MLF1: variants seen among roughly 807,000 people sequenced by gnomAD.
MLF1 encodes the protein myeloid leukemia factor 1.
A neutral mutation model predicts 38.3 loss-of-function variants in MLF1; 37 were observed. The ratio of observed to expected loss-of-function variants is 0.96; its 90% CI spans 0.74 to 1.27. The LOEUF is 1.27. Among genes scored for constraint, MLF1 ranks in the 50% most tolerant of loss-of-function variants. The pLI, the probability that MLF1 is intolerant of heterozygous loss-of-function variation, is 0.00. For synonymous variants in MLF1, 95 were observed against 106.5 expected (o/e 0.89, Z 0.66); for missense variants, 331 against 349.2 (o/e 0.95, Z 0.42).
At chr3:158,596,006 G>T (rs1246128343) in intron 3 of MLF1, among the ~76,000 whole-genome samples, 1 of 152,048 alleles carries the variant, frequency 6.6e-6, no homozygotes, top group Non-Finnish European at 1.5e-5. Flanking sequence ...CTAGAGCAAA[G>T]TTTCTCAACC....
Position 158,598,176 on chromosome 3 carries a change from G to A in MLF1, c.421G>A (p.Ala141Thr). ...IGDEPPKVFQ[A>T]STQTRRAPGG... ...AGATGAACCGCCAAAGGTTTTTCAG[G>A]CCTCAACTCAAACTCGTCGAGCTCC... The change falls in exon 5 of 8, where the codon GCC (alanine) becomes ACC (threonine). Residue 141 changes from alanine to threonine, a missense_variant. Transcript: ENST00000466246. The A allele has an allele frequency of 6.2e-7, 1 of 1,613,678 alleles. No homozygotes were observed. The highest frequency in any genetic ancestry group is 8.5e-7 in the Non-Finnish European group (1 of 1,179,844).
At chr3:158,598,293 A>C (rs1352713917) in intron 5 of MLF1, 85 bp downstream of exon 5, 1 of 1,377,360 alleles carries the variant, frequency 7.3e-7, no homozygotes, top group East Asian at 2.5e-5. Flanking sequence ...ATTAAAATTT[A>C]ATCTGGTACA....
intron 1 of MLF1, among the ~76,000 whole-genome samples, chr3:158,589,605 C>T (rs1275846952): frequency 6.6e-6 from 1 of 152,162 alleles, no homozygotes; most frequent in Non-Finnish European, 1.5e-5. Context: ...AGAACTTATA[C>T]TCTAAAAGAG....
rs181168815 is a variant in MLF1, at chr3:158,581,962, C to T, written c.48-10472C>T. Among the ~76,000 whole-genome samples, 246 of 152,236 alleles carry T rather than the reference C, an allele frequency of 1.6e-3. 4 individuals carry two copies. In the East Asian group the frequency reaches 0.033, roughly 20 times the overall value. On this transcript the variant is annotated intron_variant, in intron 1 of 7. Coordinates refer to ENST00000466246, the MANE Select transcript of MLF1 (RefSeq NM_001369783.1). The stretch of plus-strand genomic sequence containing the variant: ...TGGGAGGCCAAGGCAGATGGATCAC[C>T]TGAGGTCAGGAGTTCAAGACCAGCC...
intron 1 of MLF1, among the ~76,000 whole-genome samples, chr3:158,586,077 T>C (rs189191192): frequency 0.011 from 1,702 of 151,926 alleles, 14 homozygotes; most frequent in Non-Finnish European, 0.018. Flanking sequence ...GGCAGGAGAA[T>C]TGCTTGAACC....
chr3:158,596,823 T>C (rs938836971), intron 3 of MLF1, 39 bp from the exon 4 acceptor site: 2 of 1,357,000 alleles, frequency 1.5e-6, no homozygotes, highest in Non-Finnish European at 2.1e-6. Flanking sequence ...TTTTGTGTTG[T>C]TACCTACAGT....
In MLF1 at chr3:158,593,412, G is replaced by T; in HGVS notation, c.226G>T (p.Asp76Tyr). The T allele has an allele frequency of 6.4e-7, 1 of 1,561,570 alleles. No homozygotes were observed. The highest frequency in any genetic ancestry group is 8.6e-7 in the Non-Finnish European group (1 of 1,160,078). Reference sequence around the variant, plus strand: ...GAGTTGTTCTCTTGTGCCTTTTGGCGATTTTGGTGGTATGGTTCGTATCTT... The same window carrying T: ...GAGTTGTTCTCTTGTGCCTTTTGGCTATTTTGGTGGTATGGTTCGTATCTT... ...ATSCSLVPFG[D>Y]FGGMHTDVSS... The change falls in exon 3 of 8, where the codon GAT becomes TAT. Residue 76 changes from aspartate to tyrosine, a missense_variant. Transcript: ENST00000466246.
intron 2 of MLF1, among the ~76,000 whole-genome samples, 149 bp from the exon 3 acceptor site, chr3:158,593,222 TGATAGTTCTAA>T (rs1718416310): frequency 6.6e-6 from 1 of 152,138 alleles, no homozygotes; most frequent in Admixed American, 6.6e-5. Flanking sequence ...GCCTCATGAA[TGATAGTTCTAA>T]GATAACAAGC....
intron 1 of MLF1, chr3:158,591,254 G>T: frequency 2.4e-6 from 1 of 420,356 alleles, no homozygotes. Context: ...CTGCCTCCCG[G>T]GTTCAAGCAA....
Position 158,605,106 on chromosome 3 carries a change from TCAA to T in MLF1, c.760_762del (p.Gln254del), listed in dbSNP as rs1322780453. ...CATGTATATTTCTCAGGGAGAAACCTCAACAAAGTCCAGCCATTGAACATGGAA... is the reference window on the plus strand; with the variant it reads ...CATGTATATTTCTCAGGGAGAAACCTCAAAGTCCAGCCATTGAACATGGAA... On this transcript the variant is annotated inframe_deletion, in exon 8 of 8. Transcript: ENST00000466246. 6.2e-7 allele frequency: 1 copy of T among 1,612,548 alleles called. No individual in the cohort carries two copies. Among genetic ancestry groups the T allele is most frequent in the Admixed American group, 1.7e-5 (1 of 59,938 alleles).
At chr3:158,594,716 G>T (rs1396932547) in intron 3 of MLF1, among the ~76,000 whole-genome samples, 2 of 152,152 alleles carry the variant, frequency 1.3e-5, no homozygotes, top group Admixed American at 1.3e-4. Flanking sequence ...ATGGAACTTG[G>T]TGATTGACAG....
intron 1 of MLF1, among the ~76,000 whole-genome samples, chr3:158,577,918 A>G (rs901502216): frequency 2.0e-5 from 3 of 152,214 alleles, no homozygotes; most frequent in African/African-American, 7.2e-5. Flanking sequence ...GGCTTTTGCC[A>G]CACCAACACT....
intron 1 of MLF1, among the ~76,000 whole-genome samples, chr3:158,583,583 T>G (rs545164700): frequency 6.6e-6 from 1 of 152,268 alleles, no homozygotes; most frequent in African/African-American, 2.4e-5. Context: ...AAAAGGGCAG[T>G]GCAAGGTCTG....
At position 158,571,279 on chromosome 3, in the gene MLF1, C is replaced by T. The variant is rs115990924; in HGVS notation, c.-22C>T. 6.9e-6 allele frequency: 11 copies of T among 1,594,924 alleles called. No individual in the cohort carries two copies. The South Asian group carries it at 1.0e-4, about 14-fold the overall frequency. On this transcript the variant is annotated 5_prime_UTR_variant, in exon 1 of 8. Transcript: ENST00000466246. ...GTTTTTCCAATCTGTCCGCGGCTGC[C>T]GCCACCCAAGACAGAGCCAGAATGT...
At chr3:158,580,210 T>A (rs548537158) in intron 1 of MLF1, among the ~76,000 whole-genome samples, 1 of 151,990 alleles carries the variant, frequency 6.6e-6, no homozygotes, top group African/African-American at 2.4e-5. Flanking sequence ...AGGTGATGGG[T>A]TGATACGTGT....
intron 2 of MLF1, 93 bp downstream of exon 2, chr3:158,592,674 T>C: frequency 9.7e-7 from 1 of 1,035,348 alleles, no homozygotes; most frequent in Non-Finnish European, 1.4e-6. Context: ...TGATAGGATA[T>C]GACTAATATT....
intron 1 of MLF1, chr3:158,583,064 C>T (rs1679731793): frequency 3.9e-6 from 2 of 511,214 alleles, no homozygotes. Context: ...CTTCCCTTTC[C>T]CCCAAGTGTA....
intron 4 of MLF1, among the ~76,000 whole-genome samples, chr3:158,597,275 TAACC>T (rs1719026010): frequency 6.7e-6 from 1 of 149,494 alleles, no homozygotes; most frequent in African/African-American, 2.5e-5. Context: ...GGAAAAAAAA[TAACC>T]TCAAAAACAT....
chr3:158,602,462 A>T (rs535823823), intron 6 of MLF1, among the ~76,000 whole-genome samples: 1 of 152,320 alleles, frequency 6.6e-6, no homozygotes, highest in African/African-American at 2.4e-5. Flanking sequence ...CCACAGAAGT[A>T]TACACTATAC....
Sources: gnomAD v4.1 joint callset for allele counts (sites outside exome capture counted in the v4.1 genomes callset) on GRCh38, gnomAD v4.1.1 for gene constraint, MANE v1.5 for transcripts, NCBI Gene and HGNC (gene_info 2026-07-23, HGNC 2026-07-21) for gene names.